The following OSBPL9 variants were observed in gnomAD, a reference collection of about 807,000 sequenced individuals.
OSBPL9 encodes oxysterol-binding protein-related protein 9.
A neutral mutation model predicts 106.6 loss-of-function variants in OSBPL9; 40 were observed. The ratio of observed to expected loss-of-function variants is 0.38; its 90% confidence interval spans 0.29 to 0.49. The LOEUF (loss-of-function observed/expected upper bound fraction) is 0.49. Among genes scored for constraint, OSBPL9 ranks in the 20% least tolerant of loss-of-function variants. The pLI, the probability that OSBPL9 is intolerant of heterozygous loss-of-function variation, is 0.97. For missense variants in OSBPL9, 609 were observed against 887.2 expected, an observed-to-expected ratio of 0.69 and a Z score of 3.98; for synonymous variants, 269 against 295.4, an observed-to-expected ratio of 0.91 and a Z score of 0.92.
intron 3 of OSBPL9, among the ~76,000 whole-genome samples, chr1:51,703,918 G>A (rs1228174767): frequency 6.6e-6 from 1 of 152,188 alleles, no homozygotes; most frequent in Non-Finnish European, 1.5e-5. Flanking sequence ...CGTTGGTTCT[G>A]TTTATATGCT....
the OSBPL9 span, chr1:51,566,338 G>A: frequency 6.6e-6 from 1 of 152,224 alleles, no homozygotes; most frequent in Non-Finnish European, 1.5e-5. Flanking sequence ...CTGATGTCAG[G>A]TTTCTTGTCT....
At chr1:51,570,615 T>C in the OSBPL9 span, among the ~76,000 whole-genome samples, 1 of 152,222 alleles carries the variant, frequency 6.6e-6, no homozygotes, top group Non-Finnish European at 1.5e-5. Context: ...TCCAGGCTAG[T>C]GGTCTTTCTA....
chr1:51,788,028 A>G lies in OSBPL9; in HGVS notation c.*239A>G, dbSNP rs1678116386. On this transcript the variant is annotated 3_prime_UTR_variant, in exon 24 of 24. Transcript: ENST00000428468. Reference sequence around the variant, plus strand: ...AGAAAAACTTCAGGTTTTGAAAATCAGATGATGTCTTCTCCTTTTCCAAAC... The same window carrying G: ...AGAAAAACTTCAGGTTTTGAAAATCGGATGATGTCTTCTCCTTTTCCAAAC... 3.0e-5 allele frequency: 15 copies of G among 502,270 alleles called. No individual in the cohort carries two copies. The East Asian group carries it at 5.0e-4, about 17-fold the overall frequency. 31.1% of individuals were successfully genotyped at this position (502,270 alleles called of 1,614,324 possible). A position where few individuals can be genotyped will look rare whatever the true frequency, so the allele number is the denominator to read the frequency against.
At chr1:51,610,067 G>A (rs547268838) in intron 2 of OSBPL9, among the ~76,000 whole-genome samples, 1 of 152,242 alleles carries the variant, frequency 6.6e-6, no homozygotes, top group African/African-American at 2.4e-5. Context: ...ATCTTACAAT[G>A]TAGAATATTC....
intron 12 of OSBPL9, among the ~76,000 whole-genome samples, chr1:51,768,077 G>T (rs1673002002): frequency 6.6e-6 from 1 of 151,488 alleles, no homozygotes; most frequent in South Asian, 2.1e-4. Flanking sequence ...GAGTAGCTGG[G>T]ACTACAGGCG....
At chr1:51,570,292 G>A in the OSBPL9 span, among the ~76,000 whole-genome samples, 2 of 152,146 alleles carry the variant, frequency 1.3e-5, no homozygotes, top group Non-Finnish European at 2.9e-5. Flanking sequence ...TATTACTACT[G>A]TACTTAATCT....
chr1:51,575,015 G>A (rs576932214), upstream of OSBPL9, among the ~76,000 whole-genome samples: 13 of 152,198 alleles, frequency 8.5e-5, no homozygotes, highest in Non-Finnish European at 1.8e-4. Flanking sequence ...AATGTTCAGT[G>A]CCTTTCTGAT....
the OSBPL9 span, among the ~76,000 whole-genome samples, chr1:51,562,234 G>A: frequency 1.3e-5 from 2 of 152,084 alleles, no homozygotes; most frequent in African/African-American, 2.4e-5. Flanking sequence ...GGTTTAGCAC[G>A]ATCCCCCCTT....
chr1:51,770,095 C>A (rs1295954287), intron 12 of OSBPL9, among the ~76,000 whole-genome samples: 1 of 152,034 alleles, frequency 6.6e-6, no homozygotes, highest in Non-Finnish European at 1.5e-5. Flanking sequence ...CTCAGCCGCC[C>A]CAGTAGCTGG....
chr1:51,788,108 T>G lies in OSBPL9; in HGVS notation c.*319T>G, dbSNP rs1272501537. 1 of 324,054 alleles carries G rather than the reference T, an allele frequency of 3.1e-6. No individual in the cohort carries two copies. The highest frequency in any genetic ancestry group is 5.8e-6 in the Non-Finnish European group (1 of 172,850). The allele number at this position is 324,054 out of a possible 1,614,324, so 20.1% of individuals were successfully genotyped here. A position where few individuals can be genotyped will look rare whatever the true frequency, so the allele number is the denominator to read the frequency against. On this transcript the variant is annotated 3_prime_UTR_variant, in exon 24 of 24. Coordinates refer to ENST00000428468, the MANE Select transcript of OSBPL9 (RefSeq NM_024586.6). ...AGTCTGAAACTCTGCGCTCTAGTAC[T>G]GCTGTTAAGATACACAACTTGTTTC... is the stretch of plus-strand genomic sequence containing the variant.
chr1:51,787,158 T>G lies in OSBPL9; in HGVS notation c.2001-195T>G, dbSNP rs147948979. ...ATACTATCAGGCAGCCCTTATTTCC[T>G]TCTTTGACAACTAGCAGTGGAGTCT... On this transcript the variant is annotated intron_variant, in intron 22 of 23. Coordinates refer to ENST00000428468, the MANE Select transcript of OSBPL9 (RefSeq NM_024586.6). 2.3e-3 allele frequency among the ~76,000 whole-genome samples: 357 copies of G among 152,316 alleles called. 1 individual carries two copies. The highest frequency in any genetic ancestry group is 8.2e-3 in the African/African-American group (342 of 41,574).
At chr1:51,559,475 C>T in the OSBPL9 span, among the ~76,000 whole-genome samples, 1 of 150,644 alleles carries the variant, frequency 6.6e-6, no homozygotes, top group Non-Finnish European at 1.5e-5. Context: ...ACACTCCTCA[C>T]AAAATTAAGA....
the OSBPL9 span, among the ~76,000 whole-genome samples, chr1:51,531,700 A>G: frequency 2.6e-5 from 4 of 152,168 alleles, no homozygotes; most frequent in Non-Finnish European, 5.9e-5. Flanking sequence ...GGTTGGAATA[A>G]GAGTCTGGAG....
intron 4 of OSBPL9, among the ~76,000 whole-genome samples, chr1:51,732,543 CATTT>C (rs1470783624): frequency 6.6e-6 from 1 of 152,202 alleles, no homozygotes; most frequent in Non-Finnish European, 1.5e-5. Context: ...CACACACAGG[CATTT>C]AAAGCTACTT....
chr1:51,753,863 C>G (rs995722602), intron 8 of OSBPL9, among the ~76,000 whole-genome samples: 1 of 152,166 alleles, frequency 6.6e-6, no homozygotes, highest in Non-Finnish European at 1.5e-5. Context: ...TGGCTCCCAT[C>G]CCTAGACATT....
upstream of OSBPL9, among the ~76,000 whole-genome samples, chr1:51,614,782 C>G (rs1354263410): frequency 6.6e-6 from 1 of 152,118 alleles, no homozygotes; most frequent in Non-Finnish European, 1.5e-5. Context: ...TTGAAACAAC[C>G]TTTGTAGACA....
At chr1:51,777,174 G>A (rs2149126633) in intron 15 of OSBPL9, among the ~76,000 whole-genome samples, 1 of 152,208 alleles carries the variant, frequency 6.6e-6, no homozygotes, top group South Asian at 2.1e-4. Flanking sequence ...CAAGGCCAAT[G>A]GTATAAGTTT....
At chr1:51,703,963 G>C in intron 3 of OSBPL9, among the ~76,000 whole-genome samples, 1 of 152,220 alleles carries the variant, frequency 6.6e-6, no homozygotes, top group Non-Finnish European at 1.5e-5. Context: ...TGTTGAACCA[G>C]CCTTGCATCC....
chr1:51,536,342 T>G, the OSBPL9 span, among the ~76,000 whole-genome samples: 36 of 152,272 alleles, frequency 2.4e-4, no homozygotes, highest in African/African-American at 8.4e-4. Context: ...GATCGCGCTC[T>G]GTCACCCAGG....
Sources: gnomAD v4.1 joint callset for allele counts (sites outside exome capture counted in the v4.1 genomes callset) on GRCh38, gnomAD v4.1.1 for gene constraint, MANE v1.5 for transcripts, NCBI Gene and HGNC (gene_info 2026-07-23, HGNC 2026-07-21) for gene names.